SLC39A12: variants seen among roughly 807,000 people sequenced by gnomAD.
SLC39A12 encodes solute carrier family 39 member 12.
A neutral mutation model predicts 71.1 loss-of-function variants in SLC39A12; 63 were observed. The observed-to-expected ratio is 0.89, with a 90% confidence interval of 0.72 to 1.09. The LOEUF is 1.09. SLC39A12 is among the 50% of genes least tolerant of loss of function. SLC39A12 has a pLI of 0.00. For missense variants in SLC39A12, 892 were observed against 812.6 expected (o/e 1.10, Z -1.19); for synonymous variants, 351 against 301.3 (o/e 1.16, Z -1.71).
intron 11 of SLC39A12, chr10:18,002,734 A>C (rs191391864): frequency 1.3e-5 from 2 of 153,062 alleles, no homozygotes; most frequent in African/African-American, 4.8e-5. Context: ...TCTCATATTA[A>C]GTAGTTTTCT....
intron 12 of SLC39A12, among the ~76,000 whole-genome samples, chr10:18,041,731 A>C (rs1313504580): frequency 7.1e-6 from 1 of 141,678 alleles, no homozygotes; most frequent in African/African-American, 2.6e-5. Context: ...ATATATGTGT[A>C]TATATGTATA....
chr10:17,969,889 G>A (rs1277845855), intron 4 of SLC39A12, among the ~76,000 whole-genome samples: 8 of 152,218 alleles, frequency 5.3e-5, no homozygotes, highest in South Asian at 2.1e-4. Flanking sequence ...TTTCCCCAAC[G>A]TTTTCTTGTA....
chr10:17,957,512 T>A (rs1834581056), intron 2 of SLC39A12, among the ~76,000 whole-genome samples: 1 of 152,136 alleles, frequency 6.6e-6, no homozygotes, highest in Non-Finnish European at 1.5e-5. Flanking sequence ...TATTCCTGAA[T>A]GAGTCCATTC....
At chr10:17,969,766 T>C (rs954096869) in intron 4 of SLC39A12, among the ~76,000 whole-genome samples, 15 of 152,212 alleles carry the variant, frequency 9.9e-5, no homozygotes, top group African/African-American at 3.4e-4. Flanking sequence ...TTGTTTCTTT[T>C]GCTGTGCAGC....
chr10:17,961,956 A>T, intron 3 of SLC39A12, 94 bp downstream of exon 3: 2 of 1,286,234 alleles, frequency 1.6e-6, no homozygotes, highest in Non-Finnish European at 1.1e-6. Flanking sequence ...ACATTCAAGG[A>T]CTTCTAAGGG....
At chr10:18,023,492 TGTCA>T (rs1429308246) in intron 12 of SLC39A12, among the ~76,000 whole-genome samples, 1 of 152,148 alleles carries the variant, frequency 6.6e-6, no homozygotes, top group African/African-American at 2.4e-5. Context: ...GCAGAGGGGC[TGTCA>T]GTTTCCTCTG....
chr10:18,015,705 T>C (rs1836358264), intron 12 of SLC39A12, among the ~76,000 whole-genome samples: 1 of 152,156 alleles, frequency 6.6e-6, no homozygotes, highest in African/African-American at 2.4e-5. Context: ...GAATGAACCA[T>C]AATCATGATG....
chr10:17,987,902 G>A (rs117748606), intron 7 of SLC39A12, among the ~76,000 whole-genome samples: 4,909 of 152,238 alleles, frequency 0.032, 135 homozygotes, highest in South Asian at 0.087. Context: ...GGCAGGGCAC[G>A]GTGGCTCACA....
chr10:17,958,787 A>G (rs1256390352), intron 2 of SLC39A12, among the ~76,000 whole-genome samples: 1 of 152,224 alleles, frequency 6.6e-6, no homozygotes, highest in Non-Finnish European at 1.5e-5. Flanking sequence ...CCATTAATTC[A>G]TTGTGCATTA....
chr10:17,996,433 A>G (rs930457511), intron 10 of SLC39A12, among the ~76,000 whole-genome samples: 7 of 152,072 alleles, frequency 4.6e-5, no homozygotes, highest in African/African-American at 1.7e-4. Flanking sequence ...TTGTGACACA[A>G]ACTTAAGGTT....
chr10:17,968,569 T>C (rs1327168674), intron 4 of SLC39A12, among the ~76,000 whole-genome samples: 1 of 152,100 alleles, frequency 6.6e-6, no homozygotes, highest in Non-Finnish European at 1.5e-5. Context: ...TCATTGTTTA[T>C]CTGAGAATGG....
chr10:18,015,212 A>G (rs1242476021), intron 12 of SLC39A12, among the ~76,000 whole-genome samples: 1 of 127,030 alleles, frequency 7.9e-6, no homozygotes, highest in African/African-American at 2.7e-5. Context: ...ACCACTAAGA[A>G]CCATATTAAA....
intron 10 of SLC39A12, 92 bp downstream of exon 10, chr10:17,995,814 C>T (rs1835669564): frequency 9.0e-7 from 1 of 1,107,710 alleles, no homozygotes; most frequent in Non-Finnish European, 1.3e-6. Flanking sequence ...ATATAGATAT[C>T]ATATTGGGTA....
In SLC39A12 at chr10:17,953,523, G is replaced by A. The variant is rs1834461821; in HGVS notation, c.247G>A (p.Gly83Arg). The A allele has an allele frequency of 6.2e-7, 1 of 1,614,038 alleles. No homozygotes were observed. The highest frequency in any genetic ancestry group is 1.7e-5 in the Admixed American group (1 of 59,998). ...CCCACGGAGGAGAAACGGAATGCAA[G>A]GAGATTGCAATCTGGTTAGTGAAAT... ...GCPRRRNGMQGDCNLCFEPDA... is the reference protein window; with the variant it reads ...GCPRRRNGMQRDCNLCFEPDA... The change falls in exon 2 of 13, where the codon GGA becomes AGA. Residue 83 changes from glycine to arginine, a missense_variant. Gly to Arg is a moderately radical substitution (Grantham distance 125). Transcript: ENST00000377369.
At position 17,991,142 on chromosome 10, in the gene SLC39A12, C is replaced by G; in HGVS notation, c.1270-9C>G. On this transcript the variant is annotated splice_polypyrimidine_tract_variant and intron_variant, in intron 7 of 12. Transcript: ENST00000377369. ...CTCTCTGCCTTTTTTTTTTTTTTTT[C>G]CCCTGAAGGTTCTTGGTTTACATAA... The G allele has an allele frequency of 1.1e-6, 1 of 919,986 alleles. No homozygotes were observed. Among genetic ancestry groups the G allele is most frequent in the Non-Finnish European group, 1.4e-6 (1 of 703,214 alleles). The allele number at this position is 919,986 out of a possible 1,614,324, so 57.0% of individuals were successfully genotyped here. A position where few individuals can be genotyped will look rare whatever the true frequency, so the allele number is the denominator to read the frequency against.
chr10:17,954,182 G>A (rs897818874), intron 2 of SLC39A12, among the ~76,000 whole-genome samples: 1 of 152,130 alleles, frequency 6.6e-6, no homozygotes, highest in East Asian at 1.9e-4. Context: ...ATGTTTAGGT[G>A]TCATCCTCTA....
At chr10:17,971,384 T>C (rs950255785) in intron 4 of SLC39A12, among the ~76,000 whole-genome samples, 8 of 150,606 alleles carry the variant, frequency 5.3e-5, no homozygotes, top group Non-Finnish European at 8.9e-5. Context: ...CCTCCTCTAT[T>C]TTTTGGAATA....
In SLC39A12 at chr10:17,978,254, C is replaced by T. The variant is rs183885844; in HGVS notation, c.924+180C>T. Reference sequence around the variant, plus strand: ...TTTTCTACAAGTGTATCTCTGTAGACATAAAAACAAAGCCAAGGTATATAG... The same window carrying T: ...TTTTCTACAAGTGTATCTCTGTAGATATAAAAACAAAGCCAAGGTATATAG... On this transcript the variant is annotated intron_variant, in intron 5 of 12. Coordinates refer to ENST00000377369, the MANE Select transcript of SLC39A12 (RefSeq NM_001145195.2). 7.4e-4 allele frequency among the ~76,000 whole-genome samples: 113 copies of T among 152,254 alleles called. 1 individual carries two copies. The highest frequency in any genetic ancestry group is 2.6e-3 in the Admixed American group (40 of 15,278).
At chr10:17,995,167 G>T (rs1167851973) in intron 9 of SLC39A12, among the ~76,000 whole-genome samples, 1 of 152,180 alleles carries the variant, frequency 6.6e-6, no homozygotes, top group Non-Finnish European at 1.5e-5. Context: ...TGGCAAAGCA[G>T]TTAACACAGA....
Sources: allele counts gnomAD v4.1 joint callset (sites outside exome capture counted in the v4.1 genomes callset), GRCh38; gene constraint gnomAD v4.1.1; transcripts MANE v1.5; gene names NCBI Gene and HGNC (gene_info 2026-07-23, HGNC 2026-07-21).